Variants in OAS2 observed in about 807,000 individuals in gnomAD.
OAS2 encodes 2'-5'-oligoadenylate synthase 2.
A neutral mutation model predicts 71.3 loss-of-function variants in OAS2; 67 were observed. The observed-to-expected ratio is 0.94, with a 90% CI of 0.77 to 1.15. OAS2 has a LOEUF of 1.15. Among genes scored for constraint, OAS2 ranks in the 50% most tolerant of loss-of-function variants. The pLI is 0.00. For missense variants in OAS2, 789 were observed against 822.5 expected (o/e 0.96, Z 0.50); for synonymous variants, 327 against 321.8 (o/e 1.02, Z -0.17).
chr12:112,997,488 C>A (rs1293756), intron 3 of OAS2, 32 bp from the exon 4 acceptor site: 1,139,682 of 1,577,068 alleles, frequency 0.72, 418,131 homozygotes, highest in East Asian at 1. Context: ...CTAGATCCCC[C>A]AATGAGCTGC....
chr12:112,997,648 G>A lies in OAS2; in HGVS notation c.756G>A (p.Leu252=). The A allele has an allele frequency of 6.2e-7, 1 of 1,614,128 alleles. No homozygotes were observed. Among genetic ancestry groups the A allele is most frequent in the Non-Finnish European group, 8.5e-7 (1 of 1,180,004 alleles). The stretch of plus-strand genomic sequence containing the variant: ...TTGCTGAAGGCGTCAGAACCGTACT[G>A]GAGCTGATCAAATGCCAGGAGAAGC... The part of the protein sequence containing the change: ...FDIAEGVRTV[L]ELIKCQEKLC... The change falls in exon 4 of 10, where the codon CTG becomes CTA. Residue 252 remains leucine, a synonymous_variant. Transcript: ENST00000392583.
At chr12:112,999,307 A>G (rs1434198114) in intron 5 of OAS2, among the ~76,000 whole-genome samples, 1 of 152,230 alleles carries the variant, frequency 6.6e-6, no homozygotes, top group Non-Finnish European at 1.5e-5. Context: ...CTCAGTGCTT[A>G]TTAGAGAAAA....
At chr12:112,987,973 A>C (rs1418161927) in intron 2 of OAS2, 1 of 985,342 alleles carries the variant, frequency 1.0e-6, no homozygotes, top group Non-Finnish European at 1.2e-6. Context: ...CTGGTTTAAT[A>C]AAAGATGGCT....
At chr12:113,001,401 C>T (rs1314554226) in intron 5 of OAS2, among the ~76,000 whole-genome samples, 1 of 149,554 alleles carries the variant, frequency 6.7e-6, no homozygotes, top group Admixed American at 6.7e-5. Flanking sequence ...TATATATACA[C>T]ATATATACAT....
At chr12:113,006,388 G>T in intron 7 of OAS2, 25 bp from the exon 8 acceptor site, 1 of 1,510,866 alleles carries the variant, frequency 6.6e-7, no homozygotes, top group African/African-American at 1.4e-5. Flanking sequence ...ATTAAAGCAG[G>T]ATGTCAATCT....
intron 1 of OAS2, among the ~76,000 whole-genome samples, chr12:112,981,911 A>T (rs895427551): frequency 6.6e-6 from 1 of 151,782 alleles, no homozygotes; most frequent in Non-Finnish European, 1.5e-5. Flanking sequence ...TGTAGTTTTC[A>T]CTGTAGAGAT....
rs1483387599 is a variant in OAS2, at chr12:113,010,782, A to C, written c.*1527A>C. ...CTCCTTTTTCCTTCCAGTCTAAAAA[A>C]GGAATCCTCTGTGTCTTCAAAGCAA... is the stretch of plus-strand genomic sequence containing the variant. On this transcript the variant is annotated 3_prime_UTR_variant, in exon 10 of 10. Coordinates refer to ENST00000392583, the MANE Select transcript of OAS2 (RefSeq NM_002535.3). 4.7e-6 allele frequency: 1 copy of C among 212,458 alleles called. No homozygotes were observed. The highest frequency in any genetic ancestry group is 2.3e-5 in the African/African-American group (1 of 42,838). The allele number at this position is 212,458 out of a possible 1,614,324, so 13.2% of individuals were successfully genotyped here. A position where few individuals can be genotyped will look rare whatever the true frequency, so the allele number is the denominator to read the frequency against.
chr12:112,979,365 A>G (rs937191280), intron 1 of OAS2, among the ~76,000 whole-genome samples: 2 of 152,144 alleles, frequency 1.3e-5, no homozygotes, highest in African/African-American at 4.8e-5. Flanking sequence ...TGATGGCCCA[A>G]TACTATCCTC....
chr12:112,995,365 G>T lies in OAS2; in HGVS notation c.518G>T (p.Ser173Ile), dbSNP rs747792134. The change falls in exon 3 of 10, where the codon AGT (serine) becomes ATT (isoleucine). Residue 173 changes from serine to isoleucine, a missense_variant. Coordinates refer to ENST00000392583, the MANE Select transcript of OAS2 (RefSeq NM_002535.3). ...LKRSLDKTNA[S>I]PGEFAVCFTE... ...AGATCCTTGGATAAGACAAATGCCA[G>T]TCCTGGTGAGTTTGCAGTCTGCTTC... The T allele has an allele frequency of 6.2e-7, 1 of 1,614,134 alleles. No individual in the cohort carries two copies. Among genetic ancestry groups the T allele is most frequent in the Admixed American group, 1.7e-5 (1 of 60,022 alleles).
At chr12:113,000,742 C>T (rs1326457663) in intron 5 of OAS2, among the ~76,000 whole-genome samples, 2 of 152,118 alleles carry the variant, frequency 1.3e-5, no homozygotes, top group Admixed American at 6.5e-5. Flanking sequence ...CATGCACACA[C>T]ATGCACTCAT....
intron 5 of OAS2, among the ~76,000 whole-genome samples, chr12:113,002,271 A>G (rs914292026): frequency 7.9e-5 from 12 of 152,374 alleles, no homozygotes; most frequent in Admixed American, 5.2e-4. Flanking sequence ...ATCAGGCCAA[A>G]CCAGGTAATG....
chr12:112,996,607 G>C (rs2044234892), intron 3 of OAS2, among the ~76,000 whole-genome samples: 1 of 152,048 alleles, frequency 6.6e-6, no homozygotes, highest in African/African-American at 2.4e-5. Flanking sequence ...GCCAAGCAGG[G>C]AGAATTGGGC....
Position 112,987,165 on chromosome 12 carries a change from G to C in OAS2, c.305G>C (p.Gly102Ala). Residue 102 changes from glycine (G) to alanine (A), a missense_variant, in exon 2 of 10, where the codon GGG (glycine) becomes GCG (alanine). Gly to Ala is a moderately conservative substitution (Grantham distance 60). Coordinates refer to ENST00000392583, the MANE Select transcript of OAS2 (RefSeq NM_002535.3). ...RSQRDILDKT[G>A]DKLKFCLFTK... ...CAACGTGACATCCTCGATAAAACTG[G>C]GGATAAGCTGAAGTTCTGTCTGTTC... 1 of 1,614,172 alleles carries C rather than the reference G, an allele frequency of 6.2e-7. No homozygotes were observed. Among genetic ancestry groups the C allele is most frequent in the Non-Finnish European group, 8.5e-7 (1 of 1,180,028 alleles).
intron 2 of OAS2, among the ~76,000 whole-genome samples, chr12:112,994,920 C>T (rs2044221156): frequency 6.6e-6 from 1 of 152,192 alleles, no homozygotes; most frequent in Non-Finnish European, 1.5e-5. Flanking sequence ...AAAATATAAA[C>T]TTTCCTTTCT....
intron 8 of OAS2, 82 bp from the exon 9 acceptor site, chr12:113,007,623 A>G (rs746827384): frequency 4.6e-6 from 5 of 1,094,640 alleles, no homozygotes; most frequent in Non-Finnish European, 5.5e-6. Context: ...ACTGTGACTC[A>G]GTTGCCTTGC....
Position 113,010,657 on chromosome 12 carries a change from GC to G in OAS2, c.*1403del. Reference sequence around the variant, plus strand: ...TCTTGCCTTGCTGAACTCCCTCTCTGCAGGCAGCCTGCCTTTAAAAATAGTT... The same window carrying G: ...TCTTGCCTTGCTGAACTCCCTCTCTGAGGCAGCCTGCCTTTAAAAATAGTT... On this transcript the variant is annotated 3_prime_UTR_variant, in exon 10 of 10. Transcript: ENST00000392583. 1.1e-6 allele frequency: 1 copy of G among 879,060 alleles called. No individual in the cohort carries two copies. The highest frequency in any genetic ancestry group is 1.6e-6 in the Non-Finnish European group (1 of 642,926). 54.5% of individuals were successfully genotyped at this position (879,060 alleles called of 1,614,324 possible).
At chr12:112,988,595 G>A in intron 2 of OAS2, 1 of 984,866 alleles carries the variant, frequency 1.0e-6, no homozygotes, top group African/African-American at 1.7e-5. Context: ...AAATATGTAA[G>A]GAGGCAGCTT....
chr12:112,998,873 GAC>G (rs1182346544), intron 5 of OAS2, among the ~76,000 whole-genome samples: 1 of 152,124 alleles, frequency 6.6e-6, no homozygotes, highest in East Asian at 1.9e-4. Flanking sequence ...CATTTGAAAA[GAC>G]ACTATTTCCA....
chr12:112,992,850 A>G (rs995893165), intron 2 of OAS2, among the ~76,000 whole-genome samples: 13 of 152,278 alleles, frequency 8.5e-5, no homozygotes, highest in African/African-American at 3.1e-4. Flanking sequence ...GGAGTCAAGG[A>G]GGGAGACAGG....
Sources: gnomAD v4.1 joint callset for allele counts (sites outside exome capture counted in the v4.1 genomes callset) on GRCh38, gnomAD v4.1.1 for gene constraint, MANE v1.5 for transcripts, NCBI Gene and HGNC (gene_info 2026-07-23, HGNC 2026-07-21) for gene names.